The following SGCZ variants were observed in gnomAD, a reference collection of about 807,000 sequenced individuals.
SGCZ encodes the protein zeta-sarcoglycan.
In SGCZ, 40 loss-of-function variants were observed where a neutral mutation model predicts 41.3. The ratio of observed to expected loss-of-function variants is 0.97; its 90% CI spans 0.75 to 1.26. The LOEUF is 1.26. SGCZ is among the 50% of genes most tolerant of loss of function. SGCZ has a pLI of 0.00. For synonymous variants in SGCZ, 206 were observed against 137.5 expected (o/e 1.50, Z -3.49); for missense variants, 552 against 369.8 (o/e 1.49, Z -4.04).
Position 14,583,852 on chromosome 8 carries a change from T to G in SGCZ, c.40-28926A>C, listed in dbSNP as rs558326826. On this transcript the variant is annotated intron_variant, in intron 1 of 7. Transcript: ENST00000382080. ...ATATATATATATATAAACAAATAAT[T>G]TAGCTTTTATTTATTTAGGTCTTTC... Among the ~76,000 whole-genome samples the G allele has an allele frequency of 1.2e-4, 18 of 152,116 alleles. No homozygotes were observed. In the East Asian group the frequency reaches 3.3e-3, roughly 28 times the overall value.
chr8:14,448,134 G>A (rs181847191), intron 2 of SGCZ, among the ~76,000 whole-genome samples: 1 of 152,286 alleles, frequency 6.6e-6, no homozygotes, highest in East Asian at 1.9e-4. Context: ...GAATGTAGAT[G>A]CTAAGAAGAT....
rs147640356 is a variant in SGCZ at position 14,640,741 on chromosome 8, G to A, written c.40-85815C>T. Among the ~76,000 whole-genome samples, 710 of 151,518 alleles carry A rather than the reference G, an allele frequency of 4.7e-3. 3 individuals carry two copies. The highest frequency in any genetic ancestry group is 0.016 in the African/African-American group (666 of 41,396). On this transcript the variant is annotated intron_variant, in intron 1 of 7. Coordinates refer to ENST00000382080, the MANE Select transcript of SGCZ (RefSeq NM_139167.4). ...ATTTCCTAAAGCTAAAAGATAGGCTGCATCTTCCAATCCTCTTAGCCCTCA... is the reference window on the plus strand; with the variant it reads ...ATTTCCTAAAGCTAAAAGATAGGCTACATCTTCCAATCCTCTTAGCCCTCA...
At chr8:14,644,281 A>ACAATCAGTTG (rs1233560941) in intron 1 of SGCZ, among the ~76,000 whole-genome samples, 3 of 151,694 alleles carry the variant, frequency 2.0e-5, no homozygotes, top group African/African-American at 7.3e-5. Flanking sequence ...TAGAGCTTGT[A>ACAATCAGTTG]CAATCAGTTG....
At chr8:14,625,479 C>T (rs1195910352) in intron 1 of SGCZ, among the ~76,000 whole-genome samples, 3 of 152,164 alleles carry the variant, frequency 2.0e-5, no homozygotes, top group Admixed American at 1.3e-4. Flanking sequence ...CTCCTATGAG[C>T]ATTACATGGC....
chr8:14,803,709 A>C (rs549370817), intron 1 of SGCZ, among the ~76,000 whole-genome samples: 50 of 151,838 alleles, frequency 3.3e-4, no homozygotes, highest in African/African-American at 1.1e-3. Context: ...AGGAAGCTCA[A>C]ACTGGGTGGA....
rs1322854161 is a variant in SGCZ at position 14,362,070 on chromosome 8, G to A, written c.235-37866C>T. On this transcript the variant is annotated intron_variant, in intron 2 of 7. Coordinates refer to ENST00000382080, the MANE Select transcript of SGCZ (RefSeq NM_139167.4). ...TTCCTCTAGAAGCTTCATCTCAGAG[G>A]GGCACCTGCCTGTTTGAGGTGTCTG... Among the ~76,000 whole-genome samples the A allele has an allele frequency of 2.0e-5, 3 of 152,084 alleles. No homozygotes were observed. In the East Asian group the frequency reaches 5.8e-4, roughly 29 times the overall value.
chr8:15,037,890 C>T (rs896282649), intron 1 of SGCZ, among the ~76,000 whole-genome samples: 4 of 151,748 alleles, frequency 2.6e-5, no homozygotes, highest in Non-Finnish European at 5.9e-5. Flanking sequence ...CTCAAGAAAC[C>T]AGAAATAAGG....
At chr8:14,847,731 G>A (rs1209913695) in intron 1 of SGCZ, among the ~76,000 whole-genome samples, 2 of 128,034 alleles carry the variant, frequency 1.6e-5, no homozygotes, top group Admixed American at 1.6e-4. Flanking sequence ...AGGGAGGGAG[G>A]GAGGCGGGAG....
At chr8:14,551,568 TA>T (rs1803854046) in intron 2 of SGCZ, among the ~76,000 whole-genome samples, 2 of 19,334 alleles carry the variant, frequency 1.0e-4, no homozygotes, top group African/African-American at 3.2e-4. Context: ...ATTATATATA[TA>T]ATATATATAT....
chr8:14,408,506 C>G (rs911836018), intron 2 of SGCZ, among the ~76,000 whole-genome samples: 3 of 152,162 alleles, frequency 2.0e-5, no homozygotes, highest in Non-Finnish European at 4.4e-5. Flanking sequence ...CGTCTCTCCC[C>G]TGAACTGCAC....
intron 1 of SGCZ, among the ~76,000 whole-genome samples, chr8:14,606,959 A>T (rs1348414413): frequency 6.6e-6 from 1 of 152,180 alleles, no homozygotes; most frequent in Non-Finnish European, 1.5e-5. Context: ...TGTGAGGCTA[A>T]TGTTACTGCT....
At chr8:14,403,055 T>G (rs77935877) in intron 2 of SGCZ, among the ~76,000 whole-genome samples, 29,819 of 149,090 alleles carry the variant, frequency 0.2, 3,847 homozygotes, top group Non-Finnish European at 0.29. Flanking sequence ...GAAGCAATTG[T>G]GAATGGGAGT....
At chr8:14,866,787 C>G (rs1047578347) in intron 1 of SGCZ, among the ~76,000 whole-genome samples, 4 of 151,930 alleles carry the variant, frequency 2.6e-5, no homozygotes, top group African/African-American at 9.7e-5. Context: ...CACGGAGACC[C>G]TGTCTCAAAA....
At chr8:14,724,454 A>T (rs1809988789) in intron 1 of SGCZ, among the ~76,000 whole-genome samples, 1 of 151,918 alleles carries the variant, frequency 6.6e-6, no homozygotes, top group Admixed American at 6.6e-5. Context: ...CTATTGTATT[A>T]TTATATTAAC....
At chr8:14,797,659 C>G (rs1801179409) in intron 1 of SGCZ, among the ~76,000 whole-genome samples, 1 of 152,216 alleles carries the variant, frequency 6.6e-6, no homozygotes, top group South Asian at 2.1e-4. Context: ...TTCACCAAGA[C>G]AATGGGGAGA....
At chr8:14,947,875 T>C (rs1800504954) in intron 1 of SGCZ, among the ~76,000 whole-genome samples, 1 of 152,200 alleles carries the variant, frequency 6.6e-6, no homozygotes, top group African/African-American at 2.4e-5. Flanking sequence ...GGAATTTCTT[T>C]ATAAAATTCA....
At chr8:14,922,772 T>G (rs1799629946) in intron 1 of SGCZ, among the ~76,000 whole-genome samples, 1 of 152,186 alleles carries the variant, frequency 6.6e-6, no homozygotes, top group South Asian at 2.1e-4. Flanking sequence ...AACAATTCAG[T>G]GCAATATATA....
chr8:15,088,635 A>T (rs1263954078), intron 1 of SGCZ, among the ~76,000 whole-genome samples: 1 of 149,994 alleles, frequency 6.7e-6, no homozygotes, highest in Non-Finnish European at 1.5e-5. Context: ...TCTCTAAAAA[A>T]GAATAGAGCC....
chr8:14,890,207 A>T lies in SGCZ; in HGVS notation c.40-335281T>A, dbSNP rs146310209. On this transcript the variant is annotated intron_variant, in intron 1 of 7. Coordinates refer to ENST00000382080, the MANE Select transcript of SGCZ (RefSeq NM_139167.4). ...ACTCCAGCCTGGGCGACAGAACAAG[A>T]CTCCATCAAAAAAAGAAAGAAAGAA... Among the ~76,000 whole-genome samples, 43 of 151,436 alleles carry T rather than the reference A, an allele frequency of 2.8e-4. No homozygotes were observed. The East Asian group carries it at 6.6e-3, about 23-fold the overall frequency.
Sources: allele counts gnomAD v4.1 joint callset (sites outside exome capture counted in the v4.1 genomes callset), GRCh38; gene constraint gnomAD v4.1.1; transcripts MANE v1.5; gene names NCBI Gene and HGNC (gene_info 2026-07-23, HGNC 2026-07-21).